SAMD12: variants seen among roughly 807,000 people sequenced by gnomAD.
SAMD12 encodes sterile alpha motif domain containing 12, also known as sterile alpha motif domain-containing protein 12.
In SAMD12, 9 loss-of-function variants were observed where a neutral mutation model predicts 15.0. The ratio of observed to expected loss-of-function variants is 0.60; its 90% CI spans 0.36 to 1.05. The LOEUF is 1.05. Among genes scored for constraint, SAMD12 ranks in the 50% least tolerant of loss-of-function variants. The pLI, the probability that SAMD12 is intolerant of heterozygous loss-of-function variation, is 0.01. For missense variants in SAMD12, 230 were observed against 234.2 expected (o/e 0.98, Z 0.12); for synonymous variants, 86 against 90.1 (o/e 0.96, Z 0.25).
chr8:118,442,226 C>T (rs1486406544), intron 2 of SAMD12, among the ~76,000 whole-genome samples: 1 of 152,120 alleles, frequency 6.6e-6, no homozygotes, highest in Non-Finnish European at 1.5e-5. Context: ...TTTTGTGTTC[C>T]CCAGAGTGTC....
Position 118,522,241 on chromosome 8 carries a change from A to G in SAMD12, c.192+58474T>C, listed in dbSNP as rs541601549. On this transcript the variant is annotated intron_variant, in intron 2 of 3. Coordinates refer to ENST00000314727, the MANE Select transcript of SAMD12 (RefSeq NM_207506.3). Reference sequence around the variant, plus strand: ...GATAAAAAGAGAGAAATCAAACGAGAGCAAGAGATAGGATGAGCTAGAAGG... The same window carrying G: ...GATAAAAAGAGAGAAATCAAACGAGGGCAAGAGATAGGATGAGCTAGAAGG... Among the ~76,000 whole-genome samples, 3 of 152,142 alleles carry G rather than the reference A, an allele frequency of 2.0e-5. No homozygotes were observed. The East Asian group carries it at 5.8e-4, about 29-fold the overall frequency.
Position 118,490,479 on chromosome 8 carries a change from T to A in SAMD12, c.193-50518A>T, listed in dbSNP as rs553316006. On this transcript the variant is annotated intron_variant, in intron 2 of 3. Coordinates refer to ENST00000314727, the MANE Select transcript of SAMD12 (RefSeq NM_207506.3). Reference sequence around the variant, plus strand: ...TGAATAAAGTTTTTGTGTTCAGGGATAATAATAAAGCCAGGATAGTCTTTA... The same window carrying A: ...TGAATAAAGTTTTTGTGTTCAGGGAAAATAATAAAGCCAGGATAGTCTTTA... 7.2e-5 allele frequency among the ~76,000 whole-genome samples: 11 copies of A among 152,192 alleles called. 1 individual carries two copies. Among genetic ancestry groups the A allele is most frequent in the Non-Finnish European group, 1.6e-4 (11 of 68,022 alleles).
chr8:118,381,655 G>A (rs769988224), intron 3 of SAMD12, among the ~76,000 whole-genome samples: 1 of 152,138 alleles, frequency 6.6e-6, no homozygotes, highest in African/African-American at 2.4e-5. Flanking sequence ...AGGAATTCAG[G>A]CAGCCTCTAA....
intron 4 of SAMD12, among the ~76,000 whole-genome samples, chr8:118,318,970 C>T (rs1458698053): frequency 6.6e-6 from 1 of 152,026 alleles, no homozygotes; most frequent in Non-Finnish European, 1.5e-5. Context: ...GGGGCTACAG[C>T]AGCATTTCTT....
chr8:118,515,955 G>A (rs1157129285), intron 2 of SAMD12, among the ~76,000 whole-genome samples: 5 of 152,194 alleles, frequency 3.3e-5, no homozygotes, highest in Non-Finnish European at 5.9e-5. Context: ...TCTTCTCTGG[G>A]CACTCTCCTA....
At chr8:118,483,689 A>G (rs1286601567) in intron 2 of SAMD12, among the ~76,000 whole-genome samples, 1 of 152,210 alleles carries the variant, frequency 6.6e-6, no homozygotes, top group Non-Finnish European at 1.5e-5. Context: ...TGAAGAAAGC[A>G]CACAATTATA....
At chr8:118,397,140 C>T (rs1426740685) in intron 3 of SAMD12, among the ~76,000 whole-genome samples, 3 of 152,174 alleles carry the variant, frequency 2.0e-5, no homozygotes, top group Admixed American at 6.5e-5. Context: ...GCTATACAGG[C>T]TGGAGCTCCA....
intron 4 of SAMD12, among the ~76,000 whole-genome samples, chr8:118,359,644 G>C (rs1418625384): frequency 6.6e-6 from 1 of 152,170 alleles, no homozygotes; most frequent in Non-Finnish European, 1.5e-5. Flanking sequence ...CTTATACTGT[G>C]TGACTTGGGT....
chr8:118,606,709 C>A (rs185176187), intron 1 of SAMD12, among the ~76,000 whole-genome samples: 1 of 152,260 alleles, frequency 6.6e-6, no homozygotes, highest in East Asian at 1.9e-4. Context: ...CAAGGAGAAT[C>A]ACTCTCCCTT....
chr8:118,584,731 T>C (rs1827388405), intron 1 of SAMD12, among the ~76,000 whole-genome samples: 1 of 152,210 alleles, frequency 6.6e-6, no homozygotes, highest in South Asian at 2.1e-4. Context: ...TTTAGCATTG[T>C]TTTGAAATGC....
At chr8:118,272,960 A>G (rs994896513) in intron 4 of SAMD12, among the ~76,000 whole-genome samples, 1 of 152,136 alleles carries the variant, frequency 6.6e-6, no homozygotes, top group African/African-American at 2.4e-5. Flanking sequence ...AGTCCTTCAA[A>G]TTGATCCAAC....
intron 4 of SAMD12, chr8:118,197,856 C>T: frequency 1.2e-6 from 1 of 854,352 alleles, no homozygotes. Flanking sequence ...AAGCTCTAGT[C>T]AGAATAATGG....
In SAMD12 at chr8:118,518,359, G is replaced by C. The variant is rs1222588629; in HGVS notation, c.192+62356C>G. Among the ~76,000 whole-genome samples, 4 of 152,190 alleles carry C rather than the reference G, an allele frequency of 2.6e-5. No individual in the cohort carries two copies. The East Asian group carries it at 7.7e-4, about 29-fold the overall frequency. The stretch of plus-strand genomic sequence containing the variant: ...TCTGCAAAGCAAGAACCTGTGATAG[G>C]AAGTAACAAAGGCGATATCCCTTCA... On this transcript the variant is annotated intron_variant, in intron 2 of 3. Coordinates refer to ENST00000314727, the MANE Select transcript of SAMD12 (RefSeq NM_207506.3).
intron 4 of SAMD12, among the ~76,000 whole-genome samples, chr8:118,258,930 C>T (rs1242362240): frequency 6.6e-6 from 1 of 152,094 alleles, no homozygotes; most frequent in African/African-American, 2.4e-5. Context: ...CCCCTGCACA[C>T]CCAGGCCCAA....
intron 2 of SAMD12, among the ~76,000 whole-genome samples, chr8:118,461,221 A>T (rs1823411878): frequency 6.6e-6 from 1 of 152,220 alleles, no homozygotes; most frequent in Non-Finnish European, 1.5e-5. Flanking sequence ...TTGTGGGTAC[A>T]CACAGTTCTA....
chr8:118,536,443 A>AACACACACAC (rs1165508519), intron 2 of SAMD12, among the ~76,000 whole-genome samples: 7,320 of 140,530 alleles, frequency 0.052, 191 homozygotes, highest in South Asian at 0.095. Flanking sequence ...CTGATACACA[A>AACACACACAC]ACACACACAC....
At chr8:118,316,045 G>A (rs577605264) in intron 4 of SAMD12, among the ~76,000 whole-genome samples, 11 of 152,148 alleles carry the variant, frequency 7.2e-5, no homozygotes, top group East Asian at 5.8e-4. Flanking sequence ...TTATTTTTGC[G>A]TAATGGCATT....
At chr8:118,389,730 A>G (rs1820165893) in intron 3 of SAMD12, among the ~76,000 whole-genome samples, 1 of 151,240 alleles carries the variant, frequency 6.6e-6, no homozygotes, top group African/African-American at 2.5e-5. Flanking sequence ...AGAAAAAAAA[A>G]AAGATAGACG....
chr8:118,333,094 A>G (rs1816879334), intron 4 of SAMD12, among the ~76,000 whole-genome samples: 1 of 152,158 alleles, frequency 6.6e-6, no homozygotes, highest in African/African-American at 2.4e-5. Context: ...CAGTTATCGC[A>G]GGGAAGGCTT....
Sources: allele counts gnomAD v4.1 joint callset (sites outside exome capture counted in the v4.1 genomes callset), GRCh38; gene constraint gnomAD v4.1.1; transcripts MANE v1.5; gene names NCBI Gene and HGNC (gene_info 2026-07-23, HGNC 2026-07-21).